The following MRTFA variants were observed in gnomAD, a reference collection of about 807,000 sequenced individuals.
The protein encoded by MRTFA is myocardin related transcription factor A.
Under a neutral mutation model 83.5 loss-of-function variants are expected in MRTFA, and 20 were observed. That is an observed-to-expected ratio of 0.24 (90% CI 0.17 to 0.35). MRTFA has a LOEUF of 0.35. Among genes scored for constraint, MRTFA ranks in the 10% least tolerant of loss-of-function variants. The probability of loss-of-function intolerance (pLI) is 1.00; values close to 1 mark genes in which losing one functional copy is unlikely to be tolerated. For synonymous variants in MRTFA, 659 were observed against 541.2 expected (o/e 1.22, Z -3.02); for missense variants, 1,200 against 1,224.7 (o/e 0.98, Z 0.30).
chr22:40,635,195 C>A (rs1026489049), intron 1 of MRTFA, among the ~76,000 whole-genome samples: 22 of 152,182 alleles, frequency 1.4e-4, no homozygotes, highest in Admixed American at 1.4e-3. Context: ...GGTTCCCCAC[C>A]CTGCAGTCAT....
intron 3 of MRTFA, among the ~76,000 whole-genome samples, chr22:40,505,353 G>C (rs2054563486): frequency 6.6e-6 from 1 of 152,182 alleles, no homozygotes; most frequent in Non-Finnish European, 1.5e-5. Flanking sequence ...TAATAGTCAG[G>C]TGTTTTGAGG....
chr22:40,578,928 C>A (rs1253254507), intron 2 of MRTFA, among the ~76,000 whole-genome samples: 1 of 151,878 alleles, frequency 6.6e-6, no homozygotes, highest in Non-Finnish European at 1.5e-5. Context: ...CTCAAAAAAA[C>A]TAAAATAATA....
intron 3 of MRTFA, among the ~76,000 whole-genome samples, chr22:40,525,659 C>T (rs916857711): frequency 2.6e-5 from 4 of 152,152 alleles, no homozygotes; most frequent in Non-Finnish European, 5.9e-5. Context: ...CCTCAGACCA[C>T]ACTTTGAAAA....
intron 3 of MRTFA, among the ~76,000 whole-genome samples, chr22:40,524,941 G>A (rs958474983): frequency 2.0e-5 from 3 of 152,148 alleles, no homozygotes; most frequent in Admixed American, 6.5e-5. Context: ...CCAAGTAGCT[G>A]GGATTACAAG....
At chr22:40,590,020 T>A (rs1021983063) in intron 2 of MRTFA, among the ~76,000 whole-genome samples, 1 of 144,476 alleles carries the variant, frequency 6.9e-6, no homozygotes, top group African/African-American at 2.6e-5. Flanking sequence ...AGACTCCGTC[T>A]CGAAAAAAAA....
At chr22:40,447,737 C>G (rs1231792452) in intron 4 of MRTFA, among the ~76,000 whole-genome samples, 1 of 152,232 alleles carries the variant, frequency 6.6e-6, no homozygotes, top group East Asian at 1.9e-4. Context: ...CTCACTTCAG[C>G]TTCTCAGTAC....
At chr22:40,442,772 A>G (rs1156356287) in intron 4 of MRTFA, among the ~76,000 whole-genome samples, 1 of 152,188 alleles carries the variant, frequency 6.6e-6, no homozygotes, top group African/African-American at 2.4e-5. Context: ...ATTGAATAGG[A>G]ACACCAAAGC....
At chr22:40,618,250 A>ATTT (rs1011885827) in intron 1 of MRTFA, among the ~76,000 whole-genome samples, 1 of 104,104 alleles carries the variant, frequency 9.6e-6, no homozygotes, top group Non-Finnish European at 2.1e-5. Context: ...AATTTTTTGT[A>ATTT]TTTTTTTTTT....
At position 40,597,861 on chromosome 22, in the gene MRTFA, T is replaced by C. The variant is rs565192195; in HGVS notation, c.-83-3126A>G. On this transcript the variant is annotated intron_variant, in intron 1 of 14. Transcript: ENST00000355630. ...TACATGCCCATGTTCATTTAAAACA[T>C]TTATGGCTTGGAACTTAAAAAATGT... 5.3e-5 allele frequency among the ~76,000 whole-genome samples: 8 copies of C among 152,336 alleles called. No individual in the cohort carries two copies. The South Asian group carries it at 1.4e-3, about 28-fold the overall frequency.
At chr22:40,426,213 C>A (rs943685890) in intron 7 of MRTFA, among the ~76,000 whole-genome samples, 1 of 152,142 alleles carries the variant, frequency 6.6e-6, no homozygotes, top group Non-Finnish European at 1.5e-5. Context: ...CCTTCCCACT[C>A]ATCTGAGCCA....
chr22:40,532,994 T>TA, intron 3 of MRTFA, among the ~76,000 whole-genome samples: 1 of 152,232 alleles, frequency 6.6e-6, no homozygotes, highest in Non-Finnish European at 1.5e-5. Flanking sequence ...AAAAGGGTTT[T>TA]AAAAACTCTG....
chr22:40,422,976 G>GGTGGCCAGGCAGCTCT (rs2052873354), intron 9 of MRTFA, among the ~76,000 whole-genome samples: 1 of 152,222 alleles, frequency 6.6e-6, no homozygotes, highest in Non-Finnish European at 1.5e-5. Flanking sequence ...GTGAGATCCT[G>GGTGGCCAGGCAGCTCT]GTGGCCAGGC....
chr22:40,596,448 G>A (rs931862381), intron 1 of MRTFA, among the ~76,000 whole-genome samples: 3 of 152,104 alleles, frequency 2.0e-5, no homozygotes, highest in African/African-American at 7.2e-5. Flanking sequence ...GGGAGGCCAG[G>A]GTGGGAGGAT....
intron 3 of MRTFA, among the ~76,000 whole-genome samples, chr22:40,530,327 C>T (rs1204243218): frequency 1.3e-5 from 2 of 152,172 alleles, no homozygotes; most frequent in African/African-American, 2.4e-5. Flanking sequence ...GGCAGGGTCT[C>T]GCTCTGTCGC....
At chr22:40,607,870 A>G (rs1005444613) in intron 1 of MRTFA, among the ~76,000 whole-genome samples, 1 of 152,160 alleles carries the variant, frequency 6.6e-6, no homozygotes, top group African/African-American at 2.4e-5. Context: ...TTTAACATCA[A>G]TTCTATTGTT....
chr22:40,464,320 A>C (rs948567302), intron 3 of MRTFA, among the ~76,000 whole-genome samples: 15 of 150,798 alleles, frequency 9.9e-5, no homozygotes, highest in African/African-American at 3.4e-4. Context: ...AAAAAAAAAA[A>C]AAAAAAAAAA....
intron 2 of MRTFA, among the ~76,000 whole-genome samples, chr22:40,578,049 G>C (rs1334993020): frequency 6.6e-6 from 1 of 151,364 alleles, no homozygotes; most frequent in Non-Finnish European, 1.5e-5. Context: ...CACCTCCTGG[G>C]TTCAAGCAAT....
rs2052821125 is a variant in MRTFA, at chr22:40,420,860, G to A, written c.1168C>T (p.Pro390Ser). The A allele has an allele frequency of 6.2e-7, 1 of 1,613,618 alleles. No individual in the cohort carries two copies. The highest frequency in any genetic ancestry group is 8.5e-7 in the Non-Finnish European group (1 of 1,179,908). Reference sequence around the variant, plus strand: ...GCGGGTGCCTACTTTGGCGGGGCAGGCAGGATGGCCTGGTAGTTGTGGTGC... The same window carrying A: ...GCGGGTGCCTACTTTGGCGGGGCAGACAGGATGGCCTGGTAGTTGTGGTGC... The change falls in exon 10 of 15, where the codon CCT becomes TCT. Residue 390 changes from proline to serine, a missense_variant. This residue lies in a region of MRTFA where 1,107 missense variants were observed against 1,041.8 expected (regional missense o/e 1.06). Transcript: ENST00000355630.
intron 4 of MRTFA, among the ~76,000 whole-genome samples, chr22:40,460,177 G>A (rs1025427265): frequency 6.6e-6 from 1 of 151,890 alleles, no homozygotes. Context: ...CACCCTCCTC[G>A]GCCTCCCAAA....
Sources: gnomAD v4.1 joint callset for allele counts (sites outside exome capture counted in the v4.1 genomes callset) on GRCh38, gnomAD v4.1.1 for gene constraint, gnomAD v4.1.1 regional missense constraint, MANE v1.5 for transcripts, NCBI Gene and HGNC (gene_info 2026-07-23, HGNC 2026-07-21) for gene names.